ARMC8: variants seen among roughly 807,000 people sequenced by gnomAD.
ARMC8 encodes the protein armadillo repeat-containing protein 8.
A neutral mutation model predicts 99.3 loss-of-function variants in ARMC8; 20 were observed. That is an observed-to-expected ratio of 0.20 (90% CI 0.14 to 0.29). The LOEUF (loss-of-function observed/expected upper bound fraction) is 0.29, where lower values mean the gene tolerates loss of function less well. Ranked by LOEUF, ARMC8 falls within the 10% of genes least tolerant of loss-of-function variation. The pLI is 1.00. For missense variants in ARMC8, 569 were observed against 809.5 expected (o/e 0.70, Z 3.60); for synonymous variants, 263 against 278.3 (o/e 0.95, Z 0.55).
intron 1 of ARMC8, among the ~76,000 whole-genome samples, chr3:138,206,048 A>G (rs2044355819): frequency 6.6e-6 from 1 of 152,248 alleles, no homozygotes; most frequent in Admixed American, 6.5e-5. Flanking sequence ...TTATTTCAAT[A>G]TATCTGTGTA....
intron 18 of ARMC8, among the ~76,000 whole-genome samples, chr3:138,277,177 AAAG>A (rs2049377858): frequency 5.3e-5 from 8 of 152,182 alleles, no homozygotes; most frequent in Non-Finnish European, 8.8e-5. Flanking sequence ...CTTGGTGGAG[AAAG>A]AATGGTCTTT....
At chr3:138,205,060 CTTTTTTTTTTTTT>C (rs71146118) in intron 1 of ARMC8, among the ~76,000 whole-genome samples, 5 of 93,284 alleles carry the variant, frequency 5.4e-5, no homozygotes, top group East Asian at 3.1e-4. Flanking sequence ...CTTTTCTTTT[CTTTTTTTTTTTTT>C]TTTTTTTTTT....
chr3:138,255,376 G>T (rs1043274939), intron 12 of ARMC8, among the ~76,000 whole-genome samples: 1 of 151,772 alleles, frequency 6.6e-6, no homozygotes, highest in Non-Finnish European at 1.5e-5. Flanking sequence ...CTAATTTTTT[G>T]TATTTTTAGT....
intron 1 of ARMC8, among the ~76,000 whole-genome samples, chr3:138,207,253 G>A (rs751326427): frequency 6.6e-6 from 1 of 152,144 alleles, no homozygotes; most frequent in African/African-American, 2.4e-5. Context: ...CCTCAGTGCC[G>A]CCTTTATGTT....
intron 1 of ARMC8, among the ~76,000 whole-genome samples, chr3:138,199,991 C>A (rs1330205719): frequency 1.3e-5 from 2 of 152,112 alleles, no homozygotes; most frequent in Admixed American, 1.3e-4. Flanking sequence ...CCCAGTTGAC[C>A]GGAAGGTTGA....
chr3:138,221,915 C>G lies in ARMC8; in HGVS notation c.123-11C>G, dbSNP rs1478658263. 8 of 1,606,390 alleles carry G rather than the reference C, an allele frequency of 5.0e-6. No individual in the cohort carries two copies. The African/African-American group carries it at 9.4e-5, about 19-fold the overall frequency. On this transcript the variant is annotated splice_polypyrimidine_tract_variant and intron_variant, in intron 2 of 21. Transcript: ENST00000469044. ...CTCAACATACTTTATTTTTTCTTCC[C>G]CTTAATTCAGAGACATGAAAAATGC...
At chr3:138,197,740 A>G (rs561941488) in intron 1 of ARMC8, among the ~76,000 whole-genome samples, 2 of 152,202 alleles carry the variant, frequency 1.3e-5, no homozygotes, top group African/African-American at 2.4e-5. Context: ...TGTCTCACAC[A>G]GTGGGTTCTT....
intron 12 of ARMC8, 49 bp from the exon 13 acceptor site, chr3:138,263,690 T>G: frequency 6.9e-7 from 1 of 1,442,620 alleles, no homozygotes; most frequent in Non-Finnish European, 9.8e-7. Context: ...AGCAGTGAAG[T>G]TTGTCACCTT....
chr3:138,208,099 T>TTTTG (rs1553751906), intron 1 of ARMC8, among the ~76,000 whole-genome samples: 5 of 151,038 alleles, frequency 3.3e-5, no homozygotes, highest in East Asian at 1.9e-4. Context: ...TTTTTTTTTT[T>TTTTG]TTGTTGTTGT....
At chr3:138,241,450 C>T (rs924580318) in intron 10 of ARMC8, among the ~76,000 whole-genome samples, 2 of 152,156 alleles carry the variant, frequency 1.3e-5, no homozygotes, top group Non-Finnish European at 2.9e-5. Flanking sequence ...TAGGGCAGAA[C>T]CATCAGACAT....
intron 7 of ARMC8, 161 bp from the exon 8 acceptor site, chr3:138,237,148 C>T (rs1274831504): frequency 1.2e-5 from 7 of 603,222 alleles, no homozygotes; most frequent in Admixed American, 3.4e-5. Flanking sequence ...TTTTAACTTA[C>T]TGTACTCTGC....
chr3:138,187,477 AGC>A lies in ARMC8; in HGVS notation c.-76_-75del. ...TGGCTGCCTTTAGGGAGCGGTGCCT[AGC>A]GTTGGCCAATAGTTGGCTGTCGAAA... On this transcript the variant is annotated 5_prime_UTR_variant, in exon 1 of 22. Coordinates refer to ENST00000469044, the MANE Select transcript of ARMC8 (RefSeq NM_001363941.2). 6.9e-7 allele frequency: 1 copy of A among 1,453,952 alleles called. No individual in the cohort carries two copies. The highest frequency in any genetic ancestry group is 9.3e-7 in the Non-Finnish European group (1 of 1,072,956). The allele number at this position is 1,453,952 out of a possible 1,614,324, so 90.1% of individuals were successfully genotyped here. A position where few individuals can be genotyped will look rare whatever the true frequency, so the allele number is the denominator to read the frequency against.
chr3:138,246,033 G>A, intron 12 of ARMC8: 1 of 985,350 alleles, frequency 1.0e-6, no homozygotes, highest in Non-Finnish European at 1.2e-6. Context: ...CTCTCCATCT[G>A]CATTAGTATT....
At chr3:138,204,465 TC>T (rs1436379281) in intron 1 of ARMC8, among the ~76,000 whole-genome samples, 1 of 152,168 alleles carries the variant, frequency 6.6e-6, no homozygotes, top group Non-Finnish European at 1.5e-5. Context: ...AGTCTACTTC[TC>T]CCTCTAGCTA....
At chr3:138,223,290 A>G (rs1233878117) in intron 3 of ARMC8, 99 bp from the exon 4 acceptor site, 2 of 1,062,444 alleles carry the variant, frequency 1.9e-6, no homozygotes, top group African/African-American at 1.6e-5. Context: ...AACTCAGCCA[A>G]CCATATTTTT....
intron 19 of ARMC8, among the ~76,000 whole-genome samples, chr3:138,288,798 C>G (rs530940847): frequency 2.0e-5 from 3 of 152,010 alleles, no homozygotes; most frequent in Non-Finnish European, 4.4e-5. Context: ...CCACTACACC[C>G]GGCAAATTTT....
intron 1 of ARMC8, among the ~76,000 whole-genome samples, chr3:138,194,137 G>T (rs1250106310): frequency 6.6e-6 from 1 of 151,368 alleles, no homozygotes; most frequent in Non-Finnish European, 1.5e-5. Context: ...CCGCCTCCTG[G>T]GTTCATGCCA....
At chr3:138,229,172 A>ATGTATATGTATATGTATATGTATATG (rs1352181966) in intron 6 of ARMC8, 162 bp downstream of exon 6, 1 of 37,532 alleles carries the variant, frequency 2.7e-5, no homozygotes, top group Non-Finnish European at 5.6e-5. Flanking sequence ...ATATATATAT[A>ATGTATATGTATATGTATATGTATATG]TATATATATA....
chr3:138,271,299 C>G (rs905383412), intron 16 of ARMC8, among the ~76,000 whole-genome samples: 1 of 152,194 alleles, frequency 6.6e-6, no homozygotes. Context: ...TCAACCTCTT[C>G]TCTGAGAACA....
Sources: gnomAD v4.1 joint callset for allele counts (sites outside exome capture counted in the v4.1 genomes callset) on GRCh38, gnomAD v4.1.1 for gene constraint, MANE v1.5 for transcripts, NCBI Gene and HGNC (gene_info 2026-07-23, HGNC 2026-07-21) for gene names.